The following CATSPERT variants were observed in gnomAD, a reference collection of about 807,000 sequenced individuals.
The protein encoded by CATSPERT is catsper channel auxiliary subunit tau, also known as cation channel sperm-associated targeting subunit tau.
the CATSPERT span, chr2:201,494,086 A>T: frequency 6.5e-7 from 1 of 1,535,122 alleles, no homozygotes; most frequent in Non-Finnish European, 8.7e-7. Flanking sequence ...AATATTTTTA[A>T]TTATTTGACT....
chr2:201,557,023 C>A, the CATSPERT span: 11 of 151,978 alleles, frequency 7.2e-5, no homozygotes, highest in Non-Finnish European at 1.6e-4. Flanking sequence ...GCTTTTATAA[C>A]CAGTCTCATT....
the CATSPERT span, among the ~76,000 whole-genome samples, chr2:201,544,837 A>C: frequency 2.0e-5 from 3 of 150,026 alleles, no homozygotes; most frequent in Admixed American, 6.6e-5. Context: ...AAAAAAAAAA[A>C]AATACAAAAA....
At chr2:201,575,973 G>C in the CATSPERT span, among the ~76,000 whole-genome samples, 1 of 152,112 alleles carries the variant, frequency 6.6e-6, no homozygotes. Context: ...GAACCTAATA[G>C]CCAAAGTACA....
chr2:201,495,768 G>C, the CATSPERT span: 1 of 474,308 alleles, frequency 2.1e-6, no homozygotes, highest in Non-Finnish European at 3.7e-6. Context: ...GTGGACCTGG[G>C]AATGTGTATT....
chr2:201,558,735 C>A, the CATSPERT span, among the ~76,000 whole-genome samples: 2 of 152,176 alleles, frequency 1.3e-5, no homozygotes, highest in African/African-American at 4.8e-5. Context: ...CCCCGCTGCC[C>A]CCAGATCCAC....
At chr2:201,540,288 G>C in the CATSPERT span, among the ~76,000 whole-genome samples, 1 of 152,202 alleles carries the variant, frequency 6.6e-6, no homozygotes, top group East Asian at 1.9e-4. Flanking sequence ...ATTGATAAAA[G>C]TGACTACACT....
chr2:201,617,243 T>C, the CATSPERT span, among the ~76,000 whole-genome samples: 1 of 152,332 alleles, frequency 6.6e-6, no homozygotes, highest in African/African-American at 2.4e-5. Context: ...AGAGCCCACA[T>C]TGCCAAGACA....
chr2:201,564,754 T>C, the CATSPERT span, among the ~76,000 whole-genome samples: 4 of 152,084 alleles, frequency 2.6e-5, no homozygotes, highest in African/African-American at 9.7e-5. Context: ...TCAGCAGGAA[T>C]CAAATCAGTT....
At chr2:201,580,696 C>A in the CATSPERT span, among the ~76,000 whole-genome samples, 1 of 152,104 alleles carries the variant, frequency 6.6e-6, no homozygotes. Flanking sequence ...CTGTATGTAA[C>A]AAAAAACATT....
chr2:201,616,901 C>T, the CATSPERT span, among the ~76,000 whole-genome samples: 1 of 152,028 alleles, frequency 6.6e-6, no homozygotes, highest in East Asian at 1.9e-4. Flanking sequence ...ACAAGCATTC[C>T]TATACACCAA....
the CATSPERT span, among the ~76,000 whole-genome samples, chr2:201,532,463 C>T: frequency 6.6e-6 from 1 of 152,068 alleles, no homozygotes; most frequent in African/African-American, 2.4e-5. Context: ...TATAAGCTAT[C>T]TAAGTGAAGT....
the CATSPERT span, among the ~76,000 whole-genome samples, chr2:201,602,201 A>C: frequency 3.3e-5 from 5 of 152,144 alleles, no homozygotes; most frequent in Admixed American, 2.0e-4. Flanking sequence ...ATTTTTCCTA[A>C]GGAAAATTAT....
At chr2:201,492,650 A>G in the CATSPERT span, 1 of 1,529,226 alleles carries the variant, frequency 6.5e-7, no homozygotes, top group South Asian at 1.2e-5. Flanking sequence ...TCTTTTAAAA[A>G]AGATCTCAGC....
the CATSPERT span, among the ~76,000 whole-genome samples, chr2:201,525,257 G>A: frequency 6.6e-6 from 1 of 152,050 alleles, no homozygotes; most frequent in Non-Finnish European, 1.5e-5. Context: ...TATCAACCAT[G>A]CTCTGGGACC....
At chr2:201,574,180 G>A in the CATSPERT span, 1 of 1,521,324 alleles carries the variant, frequency 6.6e-7, no homozygotes, top group Non-Finnish European at 9.0e-7. Flanking sequence ...AGTTACAACA[G>A]AATAATCTTT....
chr2:201,613,727 A>C, the CATSPERT span, among the ~76,000 whole-genome samples: 1 of 152,350 alleles, frequency 6.6e-6, no homozygotes, highest in South Asian at 2.1e-4. Context: ...TGAGAGAAGA[A>C]GGCTTCAGAT....
At chr2:201,609,056 T>A in the CATSPERT span, among the ~76,000 whole-genome samples, 1 of 151,926 alleles carries the variant, frequency 6.6e-6, no homozygotes, top group Non-Finnish European at 1.5e-5. Flanking sequence ...AAAATAGACT[T>A]AAAGTAAAAA....
chr2:201,537,326 G>T, the CATSPERT span: 1 of 866,638 alleles, frequency 1.2e-6, no homozygotes, highest in Non-Finnish European at 1.7e-6. Context: ...TAAAACAACT[G>T]AGTAACTTCT....
At chr2:201,586,837 T>C in the CATSPERT span, among the ~76,000 whole-genome samples, 531 of 152,272 alleles carry the variant, frequency 3.5e-3, 4 homozygotes, top group African/African-American at 0.012. Context: ...CTGTTGTAAA[T>C]ACCTCATTTA....
Sources: allele counts gnomAD v4.1 joint callset (sites outside exome capture counted in the v4.1 genomes callset), GRCh38; gene constraint gnomAD v4.1.1; transcripts MANE v1.5; gene names NCBI Gene and HGNC (gene_info 2026-07-23, HGNC 2026-07-21).